The following FNDC3B variants were observed in gnomAD, a reference collection of about 807,000 sequenced individuals.
The protein encoded by FNDC3B is fibronectin type III domain containing 3B, also known as fibronectin type III domain-containing protein 3B.
In FNDC3B, 12 loss-of-function variants were observed where a neutral mutation model predicts 151.5. That is an observed-to-expected ratio of 0.08 (90% confidence interval 0.05 to 0.13). The LOEUF (loss-of-function observed/expected upper bound fraction) is 0.13. Among genes scored for constraint, FNDC3B ranks in the 10% least tolerant of loss-of-function variants. FNDC3B has a pLI of 1.00. For missense variants in FNDC3B, 1,214 were observed against 1,505.3 expected (o/e 0.81, Z 3.20); for synonymous variants, 528 against 549.0 (o/e 0.96, Z 0.54).
intron 7 of FNDC3B, 127 bp from the exon 8 acceptor site, chr3:172,295,236 G>A (rs1308647341): frequency 7.1e-6 from 6 of 847,718 alleles, no homozygotes; most frequent in South Asian, 1.8e-5. Flanking sequence ...CACCATATAA[G>A]ATGTCTTTCA....
At chr3:172,079,668 A>G (rs1718186212) in intron 1 of FNDC3B, among the ~76,000 whole-genome samples, 1 of 152,174 alleles carries the variant, frequency 6.6e-6, no homozygotes, top group Non-Finnish European at 1.5e-5. Flanking sequence ...TCAAATTCTA[A>G]TAAAGACAGG....
chr3:172,041,417 CCT>C (rs1560378051), intron 1 of FNDC3B, among the ~76,000 whole-genome samples: 1,861 of 23,880 alleles, frequency 0.078, 16 homozygotes, highest in East Asian at 0.3. Context: ...CTCTCTCCTT[CCT>C]TCCTTCCTTC....
chr3:172,244,723 C>T (rs1235738367), intron 4 of FNDC3B, among the ~76,000 whole-genome samples: 3 of 138,126 alleles, frequency 2.2e-5, no homozygotes, highest in African/African-American at 8.2e-5. Context: ...CTCCTGGGTT[C>T]AAGCAATTCC....
chr3:172,283,242 T>A (rs1260381859), intron 6 of FNDC3B, among the ~76,000 whole-genome samples: 1 of 152,218 alleles, frequency 6.6e-6, no homozygotes, highest in Non-Finnish European at 1.5e-5. Context: ...CAGATTTTTT[T>A]ATTATTATTC....
chr3:172,135,329 C>G (rs991782360), intron 3 of FNDC3B, among the ~76,000 whole-genome samples: 5 of 151,850 alleles, frequency 3.3e-5, no homozygotes, highest in Non-Finnish European at 5.9e-5. Context: ...TGGCCGCTCC[C>G]CCACTTTTTT....
chr3:172,114,609 G>C (rs943874816), intron 2 of FNDC3B, among the ~76,000 whole-genome samples: 1 of 152,174 alleles, frequency 6.6e-6, no homozygotes, highest in African/African-American at 2.4e-5. Context: ...TTCAAAGCTG[G>C]ATGAGGTGGT....
chr3:172,268,283 A>T (rs561867062), intron 6 of FNDC3B, among the ~76,000 whole-genome samples: 33 of 152,258 alleles, frequency 2.2e-4, no homozygotes, highest in Non-Finnish European at 4.1e-4. Context: ...AAATGAACAA[A>T]TTAGTTAAAA....
chr3:172,387,365 A>G (rs1253287274), intron 25 of FNDC3B, among the ~76,000 whole-genome samples: 1 of 151,404 alleles, frequency 6.6e-6, no homozygotes. Context: ...CCCAAAGTGC[A>G]GGGATTATAG....
intron 1 of FNDC3B, among the ~76,000 whole-genome samples, chr3:172,064,014 G>A (rs1292024978): frequency 3.9e-5 from 6 of 152,112 alleles, no homozygotes; most frequent in African/African-American, 1.2e-4. Flanking sequence ...GTGGTGGTGC[G>A]AATCTATAGT....
chr3:172,215,462 G>T (rs6445046), intron 3 of FNDC3B, among the ~76,000 whole-genome samples: 106,194 of 152,058 alleles, frequency 0.7, 38,327 homozygotes, highest in Middle Eastern at 0.81. Flanking sequence ...GGTGGCTCAC[G>T]CCTGTTATCC....
chr3:172,387,378 G>A (rs1470242375), intron 25 of FNDC3B, among the ~76,000 whole-genome samples: 14 of 152,126 alleles, frequency 9.2e-5, no homozygotes, highest in Non-Finnish European at 1.3e-4. Flanking sequence ...GATTATAGGC[G>A]TGAGCCACCA....
rs931096978 is a variant in FNDC3B at position 172,391,077 on chromosome 3, C to T, written c.3304-6087C>T. Among the ~76,000 whole-genome samples the T allele has an allele frequency of 4.1e-4, 63 of 152,024 alleles. 1 individual carries two copies. The highest frequency in any genetic ancestry group is 2.9e-5 in the Non-Finnish European group (2 of 68,010). On this transcript the variant is annotated intron_variant, in intron 25 of 25. Coordinates refer to ENST00000415807, the MANE Select transcript of FNDC3B (RefSeq NM_022763.4). ...CTGGGGCAATTTCAGTGGTGAGGGT[C>T]GGTGTTTGATTTGGAAGTGGAGTCT...
Position 172,339,478 on chromosome 3 carries a change from G to A in FNDC3B, c.1853-1635G>A, listed in dbSNP as rs560168540. Among the ~76,000 whole-genome samples the A allele has an allele frequency of 1.2e-4, 18 of 152,204 alleles. No homozygotes were observed. In the South Asian group the frequency reaches 1.7e-3, roughly 14 times the overall value. ...CTTGAGAGGCAGAGGCAGGAGAGTC[G>A]TTGGAACCCAGGAGTCGGAGGTCGC... is the stretch of plus-strand genomic sequence containing the variant. On this transcript the variant is annotated intron_variant, in intron 16 of 25. Coordinates refer to ENST00000415807, the MANE Select transcript of FNDC3B (RefSeq NM_022763.4).
rs766564226 is a variant in FNDC3B, at chr3:172,328,977, A to C, written c.1280A>C (p.Gln427Pro). The C allele has an allele frequency of 6.2e-7, 1 of 1,613,028 alleles. No homozygotes were observed. Among genetic ancestry groups the C allele is most frequent in the African/African-American group, 1.3e-5 (1 of 74,846 alleles). Residue 427 changes from glutamine to proline, a missense_variant, in exon 12 of 26, where the codon CAG becomes CCG. Gln to Pro is a moderately conservative substitution (Grantham distance 76, BLOSUM62 -1). Coordinates refer to ENST00000415807, the MANE Select transcript of FNDC3B (RefSeq NM_022763.4). ...DEGKRNSGFR[Q>P]CFFGSQKHCK... is the part of the protein sequence containing the mutation. ...GGAAAAAGAAATAGTGGTTTCAGACAGTGCTTCTTCGGGAGCCAGAAGCAC... is the reference window on the plus strand; with the variant it reads ...GGAAAAAGAAATAGTGGTTTCAGACCGTGCTTCTTCGGGAGCCAGAAGCAC...
chr3:172,174,924 C>A (rs113132936), intron 3 of FNDC3B, among the ~76,000 whole-genome samples: 1 of 30,182 alleles, frequency 3.3e-5, no homozygotes, highest in Non-Finnish European at 9.2e-5. Flanking sequence ...TGGAGACCTT[C>A]CCCCCGCCAC....
At chr3:172,042,144 T>C (rs1291529119) in intron 1 of FNDC3B, among the ~76,000 whole-genome samples, 1 of 152,242 alleles carries the variant, frequency 6.6e-6, no homozygotes, top group Non-Finnish European at 1.5e-5. Flanking sequence ...GATCTCATCA[T>C]GAAATAGGAG....
chr3:172,379,654 T>G (rs1282584517), intron 24 of FNDC3B, among the ~76,000 whole-genome samples: 1 of 152,252 alleles, frequency 6.6e-6, no homozygotes, highest in South Asian at 2.1e-4. Context: ...CCTGGCCCTT[T>G]GGTGCAGCTT....
chr3:172,311,366 T>G (rs1576898676), intron 11 of FNDC3B, among the ~76,000 whole-genome samples: 1 of 152,118 alleles, frequency 6.6e-6, no homozygotes, highest in African/African-American at 2.4e-5. Context: ...CATGTGCGAG[T>G]GCCCTGTGGG....
intron 1 of FNDC3B, among the ~76,000 whole-genome samples, chr3:172,068,189 TGGGCTCCTGCAGA>T (rs1717596230): frequency 6.6e-6 from 1 of 152,222 alleles, no homozygotes; most frequent in African/African-American, 2.4e-5. Context: ...ACTCCCATTC[TGGGCTCCTGCAGA>T]GGGCTTGTAA....
Sources: gnomAD v4.1 joint callset for allele counts (sites outside exome capture counted in the v4.1 genomes callset) on GRCh38, gnomAD v4.1.1 for gene constraint, MANE v1.5 for transcripts, NCBI Gene and HGNC (gene_info 2026-07-23, HGNC 2026-07-21) for gene names.